FAM78B: variants seen among roughly 807,000 people sequenced by gnomAD.
The protein encoded by FAM78B is protein FAM78B.
FAM78B carries 10 observed loss-of-function variants against 20.0 expected under a neutral mutation model. The observed-to-expected ratio is 0.50, with a 90% CI of 0.31 to 0.85. The LOEUF (loss-of-function observed/expected upper bound fraction) is 0.85. Ranked by LOEUF, FAM78B falls within the 40% of genes least tolerant of loss-of-function variation. The pLI is 0.05. For synonymous variants in FAM78B, 135 were observed against 132.8 expected, an observed-to-expected ratio of 1.02 and a Z score of -0.12; for missense variants, 283 against 345.0, an observed-to-expected ratio of 0.82 and a Z score of 1.42.
intron 1 of FAM78B, chr1:166,154,794 C>T: frequency 2.1e-6 from 1 of 486,554 alleles, no homozygotes; most frequent in Non-Finnish European, 4.3e-6. Flanking sequence ...CTGTCCCTCA[C>T]TAGTTGTGGC....
chr1:166,099,375 C>CACAGGCAACAAAGA (rs1653412880), intron 1 of FAM78B, among the ~76,000 whole-genome samples: 1 of 152,096 alleles, frequency 6.6e-6, no homozygotes, highest in South Asian at 2.1e-4. Context: ...AAACGAAGTA[C>CACAGGCAACAAAGA]ACAGGCAACA....
At chr1:166,109,918 ATAAT>A (rs1653984204) in intron 1 of FAM78B, among the ~76,000 whole-genome samples, 1 of 111,762 alleles carries the variant, frequency 8.9e-6, no homozygotes. Flanking sequence ...ATATATATAT[ATAAT>A]GGAATACTAT....
intron 1 of FAM78B, among the ~76,000 whole-genome samples, chr1:166,072,760 G>T (rs1446382169): frequency 6.6e-6 from 1 of 152,178 alleles, no homozygotes; most frequent in African/African-American, 2.4e-5. Context: ...CAGGTATTCC[G>T]AGCAGTGGCA....
chr1:166,066,021 C>T (rs187954676), downstream of FAM78B, among the ~76,000 whole-genome samples: 2 of 152,322 alleles, frequency 1.3e-5, no homozygotes, highest in Non-Finnish European at 2.9e-5. Flanking sequence ...CTAACAAGCA[C>T]GTTCAATGTG....
intron 1 of FAM78B, among the ~76,000 whole-genome samples, chr1:166,084,237 A>ACACACACACACTCTCTCTCT (rs771421402): frequency 3.2e-5 from 4 of 125,476 alleles, no homozygotes; most frequent in African/African-American, 8.8e-5. Flanking sequence ...ACACACACAC[A>ACACACACACACTCTCTCTCT]CTCTCTCTCT....
intron 1 of FAM78B, among the ~76,000 whole-genome samples, chr1:166,072,624 A>G (rs1462309897): frequency 6.6e-6 from 1 of 152,160 alleles, no homozygotes; most frequent in Non-Finnish European, 1.5e-5. Context: ...TCATGCCCCC[A>G]AGCAAAGGGC....
At chr1:166,098,945 CA>C (rs1653391834) in intron 1 of FAM78B, among the ~76,000 whole-genome samples, 3 of 152,138 alleles carry the variant, frequency 2.0e-5, no homozygotes, top group African/African-American at 7.2e-5. Context: ...ACACTGTCAT[CA>C]GGTTATCCAA....
intron 1 of FAM78B, among the ~76,000 whole-genome samples, chr1:166,132,110 T>G (rs1395381265): frequency 6.6e-6 from 1 of 152,250 alleles, no homozygotes; most frequent in East Asian, 1.9e-4. Context: ...CAACAGGCTA[T>G]GAAGACTGGA....
At chr1:166,126,382 G>A (rs1037172681) in intron 1 of FAM78B, among the ~76,000 whole-genome samples, 3 of 152,168 alleles carry the variant, frequency 2.0e-5, no homozygotes, top group African/African-American at 4.8e-5. Flanking sequence ...CACAATAAAT[G>A]AGTAGTAAAC....
intron 1 of FAM78B, among the ~76,000 whole-genome samples, chr1:166,093,001 C>T (rs1363099241): frequency 6.6e-6 from 1 of 152,132 alleles, no homozygotes; most frequent in Non-Finnish European, 1.5e-5. Flanking sequence ...CCCAAACCTA[C>T]ACTCACACAA....
At chr1:166,107,116 C>T (rs1165036288) in intron 1 of FAM78B, among the ~76,000 whole-genome samples, 1 of 152,020 alleles carries the variant, frequency 6.6e-6, no homozygotes, top group East Asian at 1.9e-4. Context: ...ATAAACCAAA[C>T]CAAAACCCAG....
chr1:166,105,658 A>C (rs1300246394), intron 1 of FAM78B, among the ~76,000 whole-genome samples: 1 of 152,232 alleles, frequency 6.6e-6, no homozygotes, highest in African/African-American at 2.4e-5. Context: ...ACAATGAGAC[A>C]CTATCTCACA....
intron 1 of FAM78B, among the ~76,000 whole-genome samples, chr1:166,137,500 C>CTT (rs35647634): frequency 1.3e-5 from 2 of 149,718 alleles, no homozygotes; most frequent in African/African-American, 4.9e-5. Flanking sequence ...AAGTCCAGTA[C>CTT]TTTTTTTTTT....
At chr1:166,103,117 C>T (rs1046591869) in intron 1 of FAM78B, among the ~76,000 whole-genome samples, 2 of 152,044 alleles carry the variant, frequency 1.3e-5, no homozygotes, top group Non-Finnish European at 2.9e-5. Context: ...GGGTACATAA[C>T]GAAAGGAAGG....
intron 1 of FAM78B, among the ~76,000 whole-genome samples, chr1:166,097,683 T>C (rs1653340253): frequency 6.6e-6 from 1 of 152,150 alleles, no homozygotes; most frequent in Non-Finnish European, 1.5e-5. Flanking sequence ...ACAACTCCAG[T>C]GACCTGGGAA....
rs967346887 is a variant in FAM78B at position 166,166,977 on chromosome 1, G to C, written c.-729C>G. 6.6e-6 allele frequency: 1 copy of C among 150,702 alleles called. No individual in the cohort carries two copies. Among genetic ancestry groups the C allele is most frequent in the African/African-American group, 2.4e-5 (1 of 41,100 alleles). The allele number at this position is 150,702 out of a possible 1,614,324, so 9.3% of individuals were successfully genotyped here. A position where few individuals can be genotyped will look rare whatever the true frequency, so the allele number is the denominator to read the frequency against. On this transcript the variant is annotated 5_prime_UTR_variant, in exon 1 of 2. Transcript: ENST00000354422. ...GCTGGAGCAGCACAGGACGTGCTCC[G>C]CGGAGGAAACTGGCTGTACGCCATG...
chr1:166,164,858 G>T (rs1656298931), intron 1 of FAM78B: 1 of 152,274 alleles, frequency 6.6e-6, no homozygotes, highest in Admixed American at 6.5e-5. Context: ...GGGTTTCCCT[G>T]TAGGCTGCAG....
At chr1:166,158,836 C>T (rs989113758) in intron 1 of FAM78B, among the ~76,000 whole-genome samples, 15 of 152,350 alleles carry the variant, frequency 9.8e-5, no homozygotes, top group African/African-American at 3.6e-4. Context: ...ACCCTCAGCA[C>T]CACGAGGACT....
rs151209906 is a variant in FAM78B, at chr1:166,159,073, T to G, written c.263+6913A>C. Among the ~76,000 whole-genome samples the G allele has an allele frequency of 9.9e-3, 1,515 of 152,352 alleles. 9 individuals are homozygous for G. Among genetic ancestry groups the G allele is most frequent in the Middle Eastern group, 0.031 (9 of 294 alleles). On this transcript the variant is annotated intron_variant, in intron 1 of 1. Transcript: ENST00000354422. The stretch of plus-strand genomic sequence containing the variant: ...AGGAAGCTGGGTAAGAAGAAAGCCA[T>G]GCTATCAACTACTTGGAGCCTTTGG...
Sources: gnomAD v4.1 joint callset for allele counts (sites outside exome capture counted in the v4.1 genomes callset) on GRCh38, gnomAD v4.1.1 for gene constraint, MANE v1.5 for transcripts, NCBI Gene and HGNC (gene_info 2026-07-23, HGNC 2026-07-21) for gene names.